Variants in CACNA2D3 observed in about 807,000 individuals in gnomAD.
CACNA2D3 encodes calcium voltage-gated channel auxiliary subunit alpha2delta 3, also known as voltage-dependent calcium channel subunit alpha-2/delta-3.
Under a neutral mutation model 160.6 loss-of-function variants are expected in CACNA2D3, and 60 were observed. The ratio of observed to expected loss-of-function variants is 0.37; its 90% CI spans 0.30 to 0.46. The LOEUF (loss-of-function observed/expected upper bound fraction) is 0.46. Ranked by LOEUF, CACNA2D3 falls within the 20% of genes least tolerant of loss-of-function variation. The pLI is 1.00. For synonymous variants in CACNA2D3, 558 were observed against 492.9 expected (o/e 1.13, Z -1.75); for missense variants, 1,205 against 1,365.0 (o/e 0.88, Z 1.85).
rs1699280654 is a variant in CACNA2D3 at position 54,861,044 on chromosome 3, G to A, written c.1627-10495G>A. 2.0e-5 allele frequency among the ~76,000 whole-genome samples: 3 copies of A among 152,082 alleles called. No individual in the cohort carries two copies. In the South Asian group the frequency reaches 6.2e-4, roughly 32 times the overall value. On this transcript the variant is annotated intron_variant, in intron 17 of 37. Coordinates refer to ENST00000474759, the MANE Select transcript of CACNA2D3 (RefSeq NM_018398.3). ...TTCATGGGAACCTGTTCTTTGCCAG[G>A]CACTGTCCTAGGCATGTGGTCCGGT...
At chr3:54,338,882 CT>C (rs1421720313) in intron 3 of CACNA2D3, among the ~76,000 whole-genome samples, 1 of 152,152 alleles carries the variant, frequency 6.6e-6, no homozygotes, top group Non-Finnish European at 1.5e-5. Flanking sequence ...CATTAATTGT[CT>C]TTTCTAGTTA....
intron 27 of CACNA2D3, among the ~76,000 whole-genome samples, chr3:54,950,424 A>G (rs1014174149): frequency 5.3e-5 from 8 of 152,156 alleles, no homozygotes; most frequent in Admixed American, 3.9e-4. Flanking sequence ...GAACCTGTGT[A>G]TGCTGTGAAA....
At chr3:54,780,165 G>A (rs1481478419) in intron 13 of CACNA2D3, among the ~76,000 whole-genome samples, 2 of 152,190 alleles carry the variant, frequency 1.3e-5, no homozygotes, top group African/African-American at 4.8e-5. Context: ...CTAAGAGAGA[G>A]TCTAAAATAT....
At chr3:54,809,181 T>G (rs1262015736) in intron 13 of CACNA2D3, among the ~76,000 whole-genome samples, 2 of 151,888 alleles carry the variant, frequency 1.3e-5, no homozygotes, top group Non-Finnish European at 2.9e-5. Flanking sequence ...CATTGCTTCT[T>G]CCTTTCTTCC....
chr3:54,636,789 CGA>C (rs1699382796), intron 10 of CACNA2D3, among the ~76,000 whole-genome samples: 1 of 151,816 alleles, frequency 6.6e-6, no homozygotes, highest in African/African-American at 2.4e-5. Context: ...AGAATTATGC[CGA>C]GATAGGTAAC....
chr3:54,813,268 G>C (rs1398123854), intron 13 of CACNA2D3, among the ~76,000 whole-genome samples: 1 of 152,174 alleles, frequency 6.6e-6, no homozygotes, highest in Non-Finnish European at 1.5e-5. Context: ...TGAGGAAATA[G>C]ACCCAGCAAG....
chr3:54,348,816 C>T (rs1698501621), intron 3 of CACNA2D3, among the ~76,000 whole-genome samples: 6 of 152,182 alleles, frequency 3.9e-5, no homozygotes, highest in Admixed American at 3.9e-4. Context: ...GCAACCTCCA[C>T]CTCCCAGTTC....
intron 13 of CACNA2D3, among the ~76,000 whole-genome samples, chr3:54,767,411 C>T (rs568375531): frequency 6.6e-6 from 1 of 152,134 alleles, no homozygotes; most frequent in South Asian, 2.1e-4. Context: ...AATATGGTTA[C>T]AGCAATTCTG....
chr3:54,347,060 A>G (rs533725526), intron 3 of CACNA2D3, among the ~76,000 whole-genome samples: 2 of 152,338 alleles, frequency 1.3e-5, no homozygotes, highest in African/African-American at 4.8e-5. Context: ...GGAAAATGAC[A>G]AAGCCAGCCA....
At chr3:54,185,308 T>A (rs75245811) in intron 2 of CACNA2D3, among the ~76,000 whole-genome samples, 7,992 of 152,238 alleles carry the variant, frequency 0.052, 208 homozygotes, top group Admixed American at 0.091. Context: ...GAGGAGCTTT[T>A]GGAACACAAA....
At chr3:54,280,769 T>A (rs12374128) in intron 2 of CACNA2D3, among the ~76,000 whole-genome samples, 30,835 of 152,100 alleles carry the variant, frequency 0.2, 3,280 homozygotes, top group East Asian at 0.28. Context: ...CATCATTCAT[T>A]CCCTCTCGCC....
chr3:54,989,324 C>G (rs1023472500), intron 31 of CACNA2D3, among the ~76,000 whole-genome samples: 1 of 152,204 alleles, frequency 6.6e-6, no homozygotes, highest in Non-Finnish European at 1.5e-5. Flanking sequence ...CTCTAGTCTT[C>G]TCCTTCATGT....
chr3:54,814,838 C>T (rs546382478), intron 13 of CACNA2D3, among the ~76,000 whole-genome samples: 1 of 152,154 alleles, frequency 6.6e-6, no homozygotes, highest in Non-Finnish European at 1.5e-5. Flanking sequence ...AAGGACAGCT[C>T]TCCTGTCAGA....
intron 4 of CACNA2D3, among the ~76,000 whole-genome samples, chr3:54,486,304 A>T (rs1247564117): frequency 6.6e-6 from 1 of 152,130 alleles, no homozygotes; most frequent in Non-Finnish European, 1.5e-5. Flanking sequence ...GATAAATTCC[A>T]TCACTTCCAA....
rs1326937537 is a variant in CACNA2D3, at chr3:54,891,408, C to T, written c.2204C>T (p.Ser735Phe). 2 of 1,613,948 alleles carry T rather than the reference C, an allele frequency of 1.2e-6. No homozygotes were observed. The highest frequency in any genetic ancestry group is 1.7e-6 in the Non-Finnish European group (2 of 1,179,888). The change falls in exon 25 of 38, where the codon TCC becomes TTC. Residue 735 changes from serine (S) to phenylalanine (F), a missense_variant. Around this residue, in one of 3 missense-constraint regions of CACNA2D3, gnomAD observed 911 missense variants for 1,002.2 expected, o/e 0.91. Coordinates refer to ENST00000474759, the MANE Select transcript of CACNA2D3 (RefSeq NM_018398.3). Reference protein sequence around the residue: ...VAFLGTRTGLSRINLFVGAEQ... With the variant: ...VAFLGTRTGLFRINLFVGAEQ... The stretch of plus-strand genomic sequence containing the variant: ...TTCCTCGGCACTCGCACGGGCCTCT[C>T]CAGAATCAACCTGTTTGTCGGGGCT...
Position 54,460,350 on chromosome 3 carries a change from A to G in CACNA2D3, c.382-43142A>G, listed in dbSNP as rs1350457903. Among the ~76,000 whole-genome samples the G allele has an allele frequency of 5.9e-5, 9 of 152,286 alleles. No individual in the cohort carries two copies. The East Asian group carries it at 1.2e-3, about 20-fold the overall frequency. On this transcript the variant is annotated intron_variant, in intron 4 of 37. Transcript: ENST00000474759. Reference sequence around the variant, plus strand: ...GCTTGAAGGGGATGGCATTGAATCTATAAGTTACCTTGGGCAGTATGGCCA... The same window carrying G: ...GCTTGAAGGGGATGGCATTGAATCTGTAAGTTACCTTGGGCAGTATGGCCA...
intron 27 of CACNA2D3, among the ~76,000 whole-genome samples, chr3:54,927,317 A>G (rs540982195): frequency 1.3e-5 from 2 of 152,320 alleles, no homozygotes; most frequent in East Asian, 3.9e-4. Flanking sequence ...AGGGATGCAG[A>G]ACATCACAGT....
At chr3:54,784,893 A>G (rs2107136247) in intron 13 of CACNA2D3, among the ~76,000 whole-genome samples, 1 of 152,314 alleles carries the variant, frequency 6.6e-6, no homozygotes, top group Non-Finnish European at 1.5e-5. Context: ...CTGAAAGTCC[A>G]CCACATTTTC....
chr3:54,232,518 A>G (rs1343418189), intron 2 of CACNA2D3, among the ~76,000 whole-genome samples: 5 of 152,132 alleles, frequency 3.3e-5, no homozygotes, highest in African/African-American at 9.7e-5. Context: ...TCAAAAGGAA[A>G]CGTTACAAGC....
Sources: gnomAD v4.1 joint callset for allele counts (sites outside exome capture counted in the v4.1 genomes callset) on GRCh38, gnomAD v4.1.1 for gene constraint, gnomAD v4.1.1 regional missense constraint, MANE v1.5 for transcripts, NCBI Gene and HGNC (gene_info 2026-07-23, HGNC 2026-07-21) for gene names.